Variants in TSPAN18 observed in about 807,000 individuals in gnomAD.
The protein encoded by TSPAN18 is tetraspanin 18.
A neutral mutation model predicts 27.3 loss-of-function variants in TSPAN18; 14 were observed. The ratio of observed to expected loss-of-function variants is 0.51; its 90% CI spans 0.34 to 0.80. The LOEUF (loss-of-function observed/expected upper bound fraction) is 0.80. Ranked by LOEUF, TSPAN18 falls within the 30% of genes least tolerant of loss-of-function variation. The pLI is 0.01. For missense variants in TSPAN18, 268 were observed against 323.9 expected (o/e 0.83, Z 1.32); for synonymous variants, 143 against 136.5 (o/e 1.05, Z -0.33).
chr11:44,749,878 C>T (rs1438273175), intron 1 of TSPAN18, among the ~76,000 whole-genome samples: 1 of 152,168 alleles, frequency 6.6e-6, no homozygotes, highest in Non-Finnish European at 1.5e-5. Context: ...CCTCGTGATC[C>T]ACCCGCCTTG....
At chr11:44,927,148 G>A (rs1453596858) in intron 9 of TSPAN18, among the ~76,000 whole-genome samples, 1 of 152,234 alleles carries the variant, frequency 6.6e-6, no homozygotes, top group South Asian at 2.1e-4. Flanking sequence ...CCTTTTCTCT[G>A]TGGGGTGTTC....
At chr11:44,867,240 A>T (rs968819428) in intron 3 of TSPAN18, among the ~76,000 whole-genome samples, 5 of 152,066 alleles carry the variant, frequency 3.3e-5, no homozygotes, top group Admixed American at 1.3e-4. Flanking sequence ...CAAGCCCTCC[A>T]GGAGATTCTG....
intron 2 of TSPAN18, among the ~76,000 whole-genome samples, chr11:44,818,614 C>G (rs1456879484): frequency 6.6e-6 from 1 of 152,170 alleles, no homozygotes; most frequent in Admixed American, 6.5e-5. Context: ...CCTCTGCCTG[C>G]CTGCCCTATC....
At chr11:44,815,075 G>T (rs1856793604) in intron 2 of TSPAN18, among the ~76,000 whole-genome samples, 1 of 152,192 alleles carries the variant, frequency 6.6e-6, no homozygotes, top group Admixed American at 6.5e-5. Context: ...GCAGTGGGAA[G>T]ATTAGAGTGG....
At chr11:44,834,477 AT>A (rs146713102) in intron 2 of TSPAN18, among the ~76,000 whole-genome samples, 17,304 of 151,520 alleles carry the variant, frequency 0.11, 1,037 homozygotes, top group Middle Eastern at 0.19. Flanking sequence ...TGATGAATCT[AT>A]TTTTTTTTCC....
intron 3 of TSPAN18, chr11:44,903,317 A>G (rs1293629532): frequency 4.7e-6 from 2 of 424,216 alleles, no homozygotes; most frequent in Non-Finnish European, 9.5e-6. Context: ...AGAAGGGATC[A>G]GCATGAGCAG....
At chr11:44,891,148 G>A (rs1387900941) in intron 3 of TSPAN18, among the ~76,000 whole-genome samples, 1 of 152,222 alleles carries the variant, frequency 6.6e-6, no homozygotes, top group East Asian at 1.9e-4. Flanking sequence ...TCCAACCTGG[G>A]CAACAGGGCG....
intron 1 of TSPAN18, among the ~76,000 whole-genome samples, chr11:44,739,644 TA>T (rs1288360280): frequency 6.6e-6 from 1 of 152,100 alleles, no homozygotes; most frequent in Non-Finnish European, 1.5e-5. Flanking sequence ...GAAAAGAAAG[TA>T]ATCATGTCTT....
upstream of TSPAN18, chr11:44,726,425 A>G (rs1046481143): frequency 6.6e-6 from 1 of 152,266 alleles, no homozygotes; most frequent in Non-Finnish European, 1.5e-5. Flanking sequence ...AGTCATTTGC[A>G]TCTGACCTGG....
At position 44,926,316 on chromosome 11, in the gene TSPAN18, T is replaced by G. The variant is rs536458709; in HGVS notation, c.616-358T>G. 20 of 224,376 alleles carry G rather than the reference T, an allele frequency of 8.9e-5. No individual in the cohort carries two copies. In the South Asian group the frequency reaches 1.4e-3, roughly 16 times the overall value. The allele number at this position is 224,376 out of a possible 1,614,324, so 13.9% of individuals were successfully genotyped here. A position where few individuals can be genotyped will look rare whatever the true frequency, so the allele number is the denominator to read the frequency against. On this transcript the variant is annotated intron_variant, in intron 8 of 9. Coordinates refer to ENST00000520358, the MANE Select transcript of TSPAN18 (RefSeq NM_130783.5). ...CAGCAGCTGCTGATGTGAAAAGGAA[T>G]AGCTCCCCTTGCTGGTTCTTCTGAT... is the stretch of plus-strand genomic sequence containing the variant.
intron 1 of TSPAN18, among the ~76,000 whole-genome samples, chr11:44,729,062 C>T (rs1854588227): frequency 6.6e-6 from 1 of 152,322 alleles, no homozygotes; most frequent in African/African-American, 2.4e-5. Flanking sequence ...TGAGGTTCCT[C>T]TGTTCAATGT....
intron 4 of TSPAN18, among the ~76,000 whole-genome samples, chr11:44,908,769 G>GAAGGAAAGGAAAGAA (rs1554938043): frequency 1.4e-5 from 1 of 71,620 alleles, no homozygotes; most frequent in Non-Finnish European, 2.6e-5. Flanking sequence ...AGAGAGAAAG[G>GAAGGAAAGGAAAGAA]AGAAAGAAAG....
rs1007873700 is a variant in TSPAN18 at position 44,932,290 on chromosome 11, C to T, written c.*3112C>T. The T allele has an allele frequency of 2.0e-5, 3 of 152,106 alleles. No individual in the cohort carries two copies. In the South Asian group the frequency reaches 6.2e-4, roughly 32 times the overall value. The allele number at this position is 152,106 out of a possible 1,614,324, so 9.4% of individuals were successfully genotyped here. On this transcript the variant is annotated 3_prime_UTR_variant, in exon 10 of 10. Transcript: ENST00000520358. ...TATCACGTTTCTCTCCTGTGAGACC[C>T]CCCTTTTATATGATATATCCAGAGG...
chr11:44,787,324 T>C (rs559366788), intron 2 of TSPAN18, among the ~76,000 whole-genome samples: 80 of 152,208 alleles, frequency 5.3e-4, no homozygotes, highest in Non-Finnish European at 9.8e-4. Flanking sequence ...CTTATGTAGT[T>C]AGTGAGGAAC....
intron 3 of TSPAN18, among the ~76,000 whole-genome samples, chr11:44,871,935 T>C (rs977252360): frequency 2.0e-5 from 3 of 152,106 alleles, no homozygotes; most frequent in African/African-American, 7.2e-5. Context: ...TCTTCCTCTT[T>C]TTTTTTGAGA....
intron 5 of TSPAN18, among the ~76,000 whole-genome samples, chr11:44,917,126 C>T (rs374440656): frequency 6.9e-4 from 105 of 152,302 alleles, no homozygotes; most frequent in African/African-American, 2.4e-3. Flanking sequence ...GTGCTAAGGC[C>T]GTGCGGGCAC....
chr11:44,845,331 T>C (rs561990463), intron 2 of TSPAN18, among the ~76,000 whole-genome samples: 7 of 152,214 alleles, frequency 4.6e-5, no homozygotes, highest in Non-Finnish European at 7.3e-5. Context: ...CTACAACTTA[T>C]AGAGCTGTTG....
intron 1 of TSPAN18, among the ~76,000 whole-genome samples, chr11:44,757,066 G>A (rs1314110506): frequency 6.6e-6 from 1 of 152,140 alleles, no homozygotes; most frequent in Non-Finnish European, 1.5e-5. Context: ...TATTATAAAA[G>A]GATGTTGAAT....
chr11:44,815,525 G>A (rs553654525), intron 2 of TSPAN18, among the ~76,000 whole-genome samples: 1 of 152,256 alleles, frequency 6.6e-6, no homozygotes, highest in African/African-American at 2.4e-5. Flanking sequence ...TGTGTGAAGG[G>A]GGGTCTGGGG....
Sources: allele counts gnomAD v4.1 joint callset (sites outside exome capture counted in the v4.1 genomes callset), GRCh38; gene constraint gnomAD v4.1.1; transcripts MANE v1.5; gene names NCBI Gene and HGNC (gene_info 2026-07-23, HGNC 2026-07-21).